SYNPR: variants seen among roughly 807,000 people sequenced by gnomAD.
SYNPR encodes synaptoporin.
SYNPR carries 23 observed loss-of-function variants against 32.9 expected under a neutral mutation model. The ratio of observed to expected loss-of-function variants is 0.70; its 90% confidence interval spans 0.50 to 0.99. The LOEUF is 0.99. Ranked by LOEUF, SYNPR falls within the 50% of genes least tolerant of loss-of-function variation. The pLI, the probability that SYNPR is intolerant of heterozygous loss-of-function variation, is 0.00. For missense variants in SYNPR, 318 were observed against 349.3 expected, an observed-to-expected ratio of 0.91 and a Z score of 0.71; for synonymous variants, 146 against 135.9, an observed-to-expected ratio of 1.07 and a Z score of -0.52.
chr3:63,205,578 G>A, the SYNPR span, among the ~76,000 whole-genome samples: 5 of 152,214 alleles, frequency 3.3e-5, no homozygotes, highest in South Asian at 2.1e-4. Flanking sequence ...TGAAATCATC[G>A]TCACACTGCT....
At chr3:63,226,380 C>G (rs961530233), upstream of SYNPR, among the ~76,000 whole-genome samples, 8 of 151,924 alleles carry the variant, frequency 5.3e-5, no homozygotes, top group African/African-American at 1.9e-4. Context: ...GAAATCAGTA[C>G]AAAAAAGGAA....
At chr3:63,608,644 AAC>A (rs1223760004) in intron 4 of SYNPR, among the ~76,000 whole-genome samples, 1 of 152,206 alleles carries the variant, frequency 6.6e-6, no homozygotes, top group Non-Finnish European at 1.5e-5. Flanking sequence ...AAGAATCTTA[AAC>A]CATTAGCAGA....
the SYNPR span, among the ~76,000 whole-genome samples, chr3:63,219,218 G>A: frequency 0.79 from 119,731 of 152,126 alleles, 47,651 homozygotes; most frequent in Middle Eastern, 0.87. Flanking sequence ...CGTGCCAAGC[G>A]TGAGTGGAAG....
At chr3:63,396,345 G>C (rs181041490) in intron 2 of SYNPR, among the ~76,000 whole-genome samples, 1 of 152,274 alleles carries the variant, frequency 6.6e-6, no homozygotes, top group East Asian at 1.9e-4. Context: ...TTTTGTAGAA[G>C]TGAAACCTGA....
At chr3:63,414,242 GT>G (rs2088507970) in intron 2 of SYNPR, among the ~76,000 whole-genome samples, 1 of 152,120 alleles carries the variant, frequency 6.6e-6, no homozygotes, top group Non-Finnish European at 1.5e-5. Context: ...TTAAAATGTA[GT>G]TGACAGTAAT....
Position 63,615,560 on chromosome 3 carries a change from A to AT in SYNPR, c.*80dup, listed in dbSNP as rs1700268247. The stretch of plus-strand genomic sequence containing the variant: ...GCAGAAGAATTTTTTAAGGGTTTCA[A>AT]TCAATTATTAATGCAGAGAGTATTG... On this transcript the variant is annotated 3_prime_UTR_variant, in exon 6 of 6. Transcript: ENST00000478300. 6.6e-7 allele frequency: 1 copy of AT among 1,516,946 alleles called. No individual in the cohort carries two copies. Among genetic ancestry groups the AT allele is most frequent in the African/African-American group, 1.4e-5 (1 of 72,198 alleles). The allele number at this position is 1,516,946 out of a possible 1,614,324, so 94.0% of individuals were successfully genotyped here.
chr3:63,357,439 G>A (rs556690171), intron 2 of SYNPR, among the ~76,000 whole-genome samples: 1 of 152,134 alleles, frequency 6.6e-6, no homozygotes, highest in Admixed American at 6.5e-5. Flanking sequence ...TGAGTCTTTG[G>A]TTTCCCTCAG....
chr3:63,615,527 T>C lies in SYNPR; in HGVS notation c.*46T>C. The C allele has an allele frequency of 6.3e-7, 1 of 1,574,878 alleles. No homozygotes were observed. Among genetic ancestry groups the C allele is most frequent in the Non-Finnish European group, 8.6e-7 (1 of 1,161,760 alleles). On this transcript the variant is annotated 3_prime_UTR_variant, in exon 6 of 6. Coordinates refer to ENST00000478300, the MANE Select transcript of SYNPR (RefSeq NM_001130003.2). ...TCTGCAGTCGCCTCACCATCTTCCA[T>C]TTCAGTGGCAGAAGAATTTTTTAAG...
intron 1 of SYNPR, among the ~76,000 whole-genome samples, chr3:63,244,138 G>A (rs2086268059): frequency 6.6e-6 from 1 of 152,072 alleles, no homozygotes; most frequent in Admixed American, 6.6e-5. Flanking sequence ...AAGCATCAGA[G>A]CTCAGGGGGC....
intron 2 of SYNPR, among the ~76,000 whole-genome samples, chr3:63,409,213 C>T (rs1362719280): frequency 2.0e-5 from 3 of 152,038 alleles, no homozygotes; most frequent in Admixed American, 6.6e-5. Flanking sequence ...AAAGCTTTGG[C>T]TTTCAAAGCT....
chr3:63,595,965 T>TTATA (rs553008663), intron 4 of SYNPR, among the ~76,000 whole-genome samples: 15,638 of 104,168 alleles, frequency 0.15, 1,754 homozygotes, highest in South Asian at 0.31. Context: ...ATATATAGTT[T>TTATA]TATATATAGT....
chr3:63,457,161 T>C (rs1357869813), intron 2 of SYNPR, among the ~76,000 whole-genome samples: 2 of 152,090 alleles, frequency 1.3e-5, no homozygotes, highest in African/African-American at 2.4e-5. Context: ...GGTGCCACGA[T>C]GCATACTTAA....
chr3:63,524,451 G>T (rs1701969031), intron 3 of SYNPR, among the ~76,000 whole-genome samples: 1 of 152,134 alleles, frequency 6.6e-6, no homozygotes. Flanking sequence ...ATCGCAGATG[G>T]GGGTGACACA....
At chr3:63,206,248 A>T in the SYNPR span, among the ~76,000 whole-genome samples, 1 of 152,182 alleles carries the variant, frequency 6.6e-6, no homozygotes, top group Non-Finnish European at 1.5e-5. Flanking sequence ...TAGAATTACC[A>T]GTTTAGGGGG....
intron 2 of SYNPR, among the ~76,000 whole-genome samples, chr3:63,460,665 A>G (rs1042792342): frequency 7.3e-5 from 11 of 151,504 alleles, no homozygotes; most frequent in Admixed American, 5.9e-4. Flanking sequence ...AGAGGAGGCT[A>G]GAGGGGAAAG....
intron 2 of SYNPR, among the ~76,000 whole-genome samples, chr3:63,412,538 CTG>C (rs750133669): frequency 3.9e-5 from 6 of 152,146 alleles, no homozygotes; most frequent in Admixed American, 6.5e-5. Context: ...AATAGACAAA[CTG>C]TAAGTAATGA....
chr3:63,295,121 C>G (rs1372307891), intron 2 of SYNPR, among the ~76,000 whole-genome samples: 2 of 152,026 alleles, frequency 1.3e-5, no homozygotes, highest in East Asian at 3.9e-4. Flanking sequence ...CCTGACCACA[C>G]TTGCAATTAA....
chr3:63,353,460 A>T (rs1217052882), intron 2 of SYNPR, among the ~76,000 whole-genome samples: 1 of 152,222 alleles, frequency 6.6e-6, no homozygotes, highest in Non-Finnish European at 1.5e-5. Context: ...CTATGTTTTA[A>T]GCATCACATT....
intron 3 of SYNPR, among the ~76,000 whole-genome samples, chr3:63,504,259 C>T (rs1025907339): frequency 2.6e-5 from 4 of 152,094 alleles, no homozygotes; most frequent in Admixed American, 6.6e-5. Context: ...AGAGTCAACA[C>T]GAACTGCTTT....
Sources: gnomAD v4.1 joint callset for allele counts (sites outside exome capture counted in the v4.1 genomes callset) on GRCh38, gnomAD v4.1.1 for gene constraint, MANE v1.5 for transcripts, NCBI Gene and HGNC (gene_info 2026-07-23, HGNC 2026-07-21) for gene names.